The following CLVS1 variants were observed in gnomAD, a reference collection of about 807,000 sequenced individuals.
CLVS1 encodes the protein clavesin 1.
In CLVS1, 10 loss-of-function variants were observed where a neutral mutation model predicts 33.1. The ratio of observed to expected loss-of-function variants is 0.30; its 90% CI spans 0.19 to 0.51. The LOEUF is 0.51. CLVS1 is among the 20% of genes least tolerant of loss of function. CLVS1 has a pLI of 0.97. For synonymous variants in CLVS1, 163 were observed against 166.1 expected (o/e 0.98, Z 0.14); for missense variants, 343 against 433.4 (o/e 0.79, Z 1.85).
At chr8:61,083,932 C>A (rs35493370) in intron 1 of CLVS1, among the ~76,000 whole-genome samples, 11,049 of 152,188 alleles carry the variant, frequency 0.073, 541 homozygotes, top group South Asian at 0.22. Flanking sequence ...GGTAAATTTC[C>A]TGACCCCTAA....
At chr8:61,480,437 C>T (rs894286186) in intron 5 of CLVS1, among the ~76,000 whole-genome samples, 1 of 152,170 alleles carries the variant, frequency 6.6e-6, no homozygotes, top group Admixed American at 6.5e-5. Context: ...TGGAAAAGCG[C>T]AGTATTAGGG....
chr8:61,047,036 A>C, the CLVS1 span, among the ~76,000 whole-genome samples: 1 of 152,080 alleles, frequency 6.6e-6, no homozygotes, highest in Non-Finnish European at 1.5e-5. Flanking sequence ...GTTGAATAGG[A>C]GTGGTGAGAG....
At chr8:61,075,213 A>G (rs1804888229) in intron 1 of CLVS1, among the ~76,000 whole-genome samples, 1 of 152,126 alleles carries the variant, frequency 6.6e-6, no homozygotes, top group Non-Finnish European at 1.5e-5. Flanking sequence ...GCAGGTGGCT[A>G]TTTTCACGTA....
chr8:61,023,738 TG>T, the CLVS1 span, among the ~76,000 whole-genome samples: 1 of 151,378 alleles, frequency 6.6e-6, no homozygotes, highest in Non-Finnish European at 1.5e-5. Context: ...GGCCCCAGGG[TG>T]GGGGAGAGGC....
At chr8:61,140,018 G>T (rs1022106039) in intron 2 of CLVS1, among the ~76,000 whole-genome samples, 2 of 152,170 alleles carry the variant, frequency 1.3e-5, no homozygotes, top group South Asian at 4.1e-4. Context: ...GGAAGCAGCC[G>T]AGGTGCGTCT....
rs62524510 is a variant in CLVS1, at chr8:61,097,516, C to T, written c.-242-34254C>T. ...TCTAGGACGTGTTGCTTCTGCATTT[C>T]TCTAGAGTGGTGTGAGCACAGGCTA... On this transcript the variant is annotated intron_variant, in intron 1 of 2. Coordinates refer to the CLVS1 transcript ENST00000522621. Among the ~76,000 whole-genome samples, 425 of 152,254 alleles carry T rather than the reference C, an allele frequency of 2.8e-3. 1 individual carries two copies. Among genetic ancestry groups the T allele is most frequent in the Non-Finnish European group, 4.7e-3 (318 of 68,020 alleles).
At chr8:61,391,432 A>G (rs1814301200) in intron 3 of CLVS1, among the ~76,000 whole-genome samples, 1 of 152,226 alleles carries the variant, frequency 6.6e-6, no homozygotes, top group Non-Finnish European at 1.5e-5. Context: ...TGAGGTGGGT[A>G]AGCCAGACAC....
rs57974071 is a variant in CLVS1 at position 61,358,480 on chromosome 8, C to CT, written c.456-18123dup. Among the ~76,000 whole-genome samples, 759 of 152,316 alleles carry CT rather than the reference C, an allele frequency of 5.0e-3. 9 individuals carry two copies. The highest frequency in any genetic ancestry group is 0.017 in the African/African-American group (714 of 41,566). ...TCTCTGAACTGCCCAATCAGTATGT[C>CT]TTATCCAAGGGTAAGTCCCACATTT... is the stretch of plus-strand genomic sequence containing the variant. On this transcript the variant is annotated intron_variant, in intron 2 of 5. Coordinates refer to ENST00000325897, the MANE Select transcript of CLVS1 (RefSeq NM_173519.3).
chr8:61,437,123 C>G (rs981241615), intron 3 of CLVS1, among the ~76,000 whole-genome samples: 4 of 152,128 alleles, frequency 2.6e-5, no homozygotes, highest in Non-Finnish European at 5.9e-5. Context: ...GGTACTGCTC[C>G]TTTTCCTTTG....
At chr8:61,222,846 C>G (rs1238463275) in intron 2 of CLVS1, among the ~76,000 whole-genome samples, 1 of 150,590 alleles carries the variant, frequency 6.6e-6, no homozygotes, top group Non-Finnish European at 1.5e-5. Flanking sequence ...ACTTGGTGCT[C>G]TTGTATTGAG....
intron 1 of CLVS1, among the ~76,000 whole-genome samples, chr8:61,125,987 G>A (rs1805961747): frequency 6.6e-6 from 1 of 150,606 alleles, no homozygotes; most frequent in Non-Finnish European, 1.5e-5. Flanking sequence ...GATTCCAAAT[G>A]TAATATAGTT....
At chr8:61,376,841 C>A in intron 3 of CLVS1, 62 bp downstream of exon 3, 2 of 1,415,714 alleles carry the variant, frequency 1.4e-6, no homozygotes, top group Non-Finnish European at 1.9e-6. Context: ...AAAAAATTAT[C>A]GCAACCAAAG....
At chr8:61,302,021 A>T (rs1810456257) in intron 2 of CLVS1, among the ~76,000 whole-genome samples, 1 of 152,134 alleles carries the variant, frequency 6.6e-6, no homozygotes. Context: ...AAAATATATC[A>T]ACCCCCATAA....
At chr8:61,274,967 A>T (rs1171114509) in intron 2 of CLVS1, among the ~76,000 whole-genome samples, 1 of 152,198 alleles carries the variant, frequency 6.6e-6, no homozygotes, top group East Asian at 1.9e-4. Context: ...GGTGATGCAA[A>T]GAATTAATGA....
intron 1 of CLVS1, among the ~76,000 whole-genome samples, chr8:61,091,627 T>G (rs1335293465): frequency 6.6e-6 from 1 of 152,144 alleles, no homozygotes; most frequent in African/African-American, 2.4e-5. Context: ...AGAACTTGAG[T>G]TATCGAAAGC....
the CLVS1 span, among the ~76,000 whole-genome samples, chr8:61,026,800 A>G: frequency 5.4e-4 from 83 of 152,316 alleles, no homozygotes; most frequent in Non-Finnish European, 4.1e-4. Flanking sequence ...CAACTCCTTA[A>G]CATGATTTGG....
intron 1 of CLVS1, among the ~76,000 whole-genome samples, chr8:61,130,334 A>C (rs1409252872): frequency 6.6e-6 from 1 of 152,104 alleles, no homozygotes; most frequent in Non-Finnish European, 1.5e-5. Context: ...AAGTTCCACC[A>C]CAGGTCAATA....
intron 3 of CLVS1, among the ~76,000 whole-genome samples, chr8:61,446,024 G>A (rs955225982): frequency 6.6e-6 from 1 of 152,062 alleles, no homozygotes; most frequent in African/African-American, 2.4e-5. Context: ...CATTCCTAAT[G>A]TTGGTAATTT....
chr8:61,101,246 A>G (rs1393606662), intron 1 of CLVS1, among the ~76,000 whole-genome samples: 1 of 152,140 alleles, frequency 6.6e-6, no homozygotes, highest in African/African-American at 2.4e-5. Context: ...ATCTTCGCCA[A>G]TACTTTTTGA....
Sources: gnomAD v4.1 joint callset for allele counts (sites outside exome capture counted in the v4.1 genomes callset) on GRCh38, gnomAD v4.1.1 for gene constraint, MANE v1.5 for transcripts, NCBI Gene and HGNC (gene_info 2026-07-23, HGNC 2026-07-21) for gene names.